PAK1: variants seen among roughly 807,000 people sequenced by gnomAD.
PAK1 encodes the protein serine/threonine-protein kinase PAK 1.
Under a neutral mutation model 67.4 loss-of-function variants are expected in PAK1, and 29 were observed. That is an observed-to-expected ratio of 0.43 (90% CI 0.32 to 0.59). The LOEUF (loss-of-function observed/expected upper bound fraction) is 0.59. PAK1 is among the 20% of genes least tolerant of loss of function. The pLI is 0.07. For synonymous variants in PAK1, 223 were observed against 237.4 expected (o/e 0.94, Z 0.56); for missense variants, 337 against 670.7 (o/e 0.50, Z 5.50).
intron 1 of PAK1, among the ~76,000 whole-genome samples, chr11:77,418,319 T>G (rs1243238649): frequency 6.6e-6 from 1 of 152,220 alleles, no homozygotes; most frequent in East Asian, 1.9e-4. Flanking sequence ...CTCCACTAAA[T>G]AGAGTCCTGT....
chr11:77,502,528 C>T, the PAK1 span, among the ~76,000 whole-genome samples: 1 of 152,198 alleles, frequency 6.6e-6, no homozygotes, highest in East Asian at 1.9e-4. Flanking sequence ...TTTTACCCCT[C>T]CCTGCAAAAA....
At chr11:77,327,353 T>C (rs1940232371) in intron 14 of PAK1, among the ~76,000 whole-genome samples, 1 of 151,954 alleles carries the variant, frequency 6.6e-6, no homozygotes, top group African/African-American at 2.4e-5. Context: ...AAAGTTGAAA[T>C]GAAGGAAAAA....
At chr11:77,442,617 G>T (rs987989146) in intron 1 of PAK1, among the ~76,000 whole-genome samples, 2 of 152,166 alleles carry the variant, frequency 1.3e-5, no homozygotes, top group African/African-American at 4.8e-5. Flanking sequence ...CCCCATTACA[G>T]ACAGTGAAGC....
intron 8 of PAK1, among the ~76,000 whole-genome samples, chr11:77,352,612 A>AC (rs1408805047): frequency 1.3e-5 from 2 of 152,144 alleles, no homozygotes; most frequent in Non-Finnish European, 2.9e-5. Context: ...CTCACCACTC[A>AC]CTGACTCACC....
At chr11:77,446,897 GAA>G (rs11420682) in intron 1 of PAK1, among the ~76,000 whole-genome samples, 1 of 123,584 alleles carries the variant, frequency 8.1e-6, no homozygotes. Context: ...GTGACAAAAA[GAA>G]AAAAAAAAAA....
intron 14 of PAK1, among the ~76,000 whole-genome samples, chr11:77,325,768 TA>T (rs542531438): frequency 1.3e-5 from 2 of 152,202 alleles, no homozygotes; most frequent in Admixed American, 6.5e-5. Flanking sequence ...CCAGATCTCA[TA>T]ACTAATAGGC....
intron 10 of PAK1, among the ~76,000 whole-genome samples, chr11:77,343,500 A>G (rs530223169): frequency 6.6e-6 from 1 of 152,340 alleles, no homozygotes. Context: ...ATAAGGAAAG[A>G]TTTGGGATGT....
chr11:77,481,518 T>G, the PAK1 span, among the ~76,000 whole-genome samples: 17 of 151,804 alleles, frequency 1.1e-4, no homozygotes, highest in Non-Finnish European at 2.2e-4. Flanking sequence ...CTACTAAAAA[T>G]ACAAAAATTA....
At chr11:77,427,077 C>A (rs1955590015) in intron 1 of PAK1, among the ~76,000 whole-genome samples, 1 of 152,130 alleles carries the variant, frequency 6.6e-6, no homozygotes, top group South Asian at 2.1e-4. Context: ...TAGAAACCCC[C>A]ACATGCTACA....
chr11:77,514,714 G>T, the PAK1 span, among the ~76,000 whole-genome samples: 1 of 152,176 alleles, frequency 6.6e-6, no homozygotes, highest in African/African-American at 2.4e-5. Context: ...CCTGGGCAGG[G>T]ACTGTCTCGT....
At chr11:77,432,691 G>T (rs1321770435) in intron 1 of PAK1, among the ~76,000 whole-genome samples, 1 of 151,752 alleles carries the variant, frequency 6.6e-6, no homozygotes, top group African/African-American at 2.4e-5. Flanking sequence ...ATTCACAGAT[G>T]ACATAATCTT....
rs766431792 is a variant in PAK1 at position 77,340,779 on chromosome 11, T to C, written c.999-16A>G. 8 of 1,309,034 alleles carry C rather than the reference T, an allele frequency of 6.1e-6. No homozygotes were observed. The Admixed American group carries it at 8.4e-5, about 14-fold the overall frequency. 81.1% of individuals were successfully genotyped at this position (1,309,034 alleles called of 1,614,324 possible). The stretch of plus-strand genomic sequence containing the variant: ...CACGAGGTAACTGCAGGAATACAGA[T>C]AAAGGGTGAGAGAGAACAATCAGAG... On this transcript the variant is annotated splice_polypyrimidine_tract_variant and intron_variant, in intron 10 of 14. Transcript: ENST00000356341.
chr11:77,505,644 C>T, the PAK1 span, among the ~76,000 whole-genome samples: 6 of 152,186 alleles, frequency 3.9e-5, no homozygotes, highest in South Asian at 4.1e-4. Flanking sequence ...AGGTATCTCA[C>T]GTAAGTGGAA....
chr11:77,381,177 A>G (rs57294928), intron 2 of PAK1, among the ~76,000 whole-genome samples: 12,482 of 86,954 alleles, frequency 0.14, 541 homozygotes, highest in East Asian at 0.26. Context: ...GTGTGTGTGT[A>G]GAGAGAGAGA....
In PAK1 at chr11:77,355,843, C is replaced by T; in HGVS notation, c.598-1G>A. The stretch of plus-strand genomic sequence containing the variant: ...GTTCAATCACAGACCGTGTGTATAC[C>T]TGCATTATTAGTGCAAAATTTTGGC... On this transcript the variant is annotated splice_acceptor_variant, in intron 6 of 14. Coordinates refer to ENST00000356341, the MANE Select transcript of PAK1 (RefSeq NM_002576.5). LOFTEE classifies it high-confidence loss of function. The T allele has an allele frequency of 6.2e-7, 1 of 1,612,704 alleles. No homozygotes were observed. Among genetic ancestry groups the T allele is most frequent in the Non-Finnish European group, 8.5e-7 (1 of 1,179,104 alleles).
At chr11:77,415,045 T>A (rs1392643074) in intron 1 of PAK1, among the ~76,000 whole-genome samples, 1 of 151,614 alleles carries the variant, frequency 6.6e-6, no homozygotes, top group Non-Finnish European at 1.5e-5. Flanking sequence ...TGACCCAATT[T>A]AAAAAAAACA....
At chr11:77,385,435 G>A (rs1432202003) in intron 2 of PAK1, among the ~76,000 whole-genome samples, 2 of 152,166 alleles carry the variant, frequency 1.3e-5, no homozygotes, top group Non-Finnish European at 2.9e-5. Context: ...CTCACATCAT[G>A]CCAAGCATCT....
intron 1 of PAK1, among the ~76,000 whole-genome samples, chr11:77,419,385 T>C (rs1955137869): frequency 6.6e-6 from 1 of 152,218 alleles, no homozygotes; most frequent in African/African-American, 2.4e-5. Flanking sequence ...CAAATTATTC[T>C]TATAAGTCAT....
chr11:77,336,402 T>A, intron 12 of PAK1, 120 bp from the exon 13 acceptor site: 1 of 630,082 alleles, frequency 1.6e-6, no homozygotes, highest in Non-Finnish European at 2.7e-6. Flanking sequence ...TCTGCTATCC[T>A]TTGTCTCTCC....
Sources: allele counts gnomAD v4.1 joint callset (sites outside exome capture counted in the v4.1 genomes callset), GRCh38; gene constraint gnomAD v4.1.1; transcripts MANE v1.5; gene names NCBI Gene and HGNC (gene_info 2026-07-23, HGNC 2026-07-21).